Variants in NEK1 observed in about 807,000 individuals in gnomAD.
NEK1 encodes NIMA related kinase 1, also known as serine/threonine-protein kinase Nek1.
In NEK1, 137 loss-of-function variants were observed where a neutral mutation model predicts 182.1. The observed-to-expected ratio is 0.75, with a 90% CI of 0.65 to 0.87. The LOEUF (loss-of-function observed/expected upper bound fraction) is 0.87. Among genes scored for constraint, NEK1 ranks in the 40% least tolerant of loss-of-function variants. NEK1 has a pLI of 0.00. For missense variants in NEK1, 1,391 were observed against 1,494.4 expected (o/e 0.93, Z 1.14); for synonymous variants, 513 against 492.2 (o/e 1.04, Z -0.56).
chr4:169,431,337 T>A (rs1202981587), intron 29 of NEK1, among the ~76,000 whole-genome samples: 1 of 152,126 alleles, frequency 6.6e-6, no homozygotes, highest in Non-Finnish European at 1.5e-5. Context: ...AAAAATCACT[T>A]GAAATATAAA....
chr4:169,403,624 G>A (rs540554998), intron 32 of NEK1, among the ~76,000 whole-genome samples: 1 of 152,186 alleles, frequency 6.6e-6, no homozygotes, highest in South Asian at 2.1e-4. Context: ...CACCTGCTAT[G>A]TACCATTACT....
intron 27 of NEK1, among the ~76,000 whole-genome samples, chr4:169,445,865 TACACACAC>T (rs201151434): frequency 7.0e-6 from 1 of 143,220 alleles, no homozygotes; most frequent in Non-Finnish European, 1.5e-5. Flanking sequence ...TATATATATA[TACACACAC>T]ACACACACAC....
At chr4:169,590,582 G>C (rs1027699922) in intron 6 of NEK1, 144 bp downstream of exon 6, 2 of 549,750 alleles carry the variant, frequency 3.6e-6, no homozygotes, top group African/African-American at 3.8e-5. Context: ...ATCTAATACA[G>C]GATGCAGATG....
At chr4:169,475,411 T>A (rs1019256699) in intron 26 of NEK1, among the ~76,000 whole-genome samples, 1 of 152,100 alleles carries the variant, frequency 6.6e-6, no homozygotes, top group Admixed American at 6.6e-5. Flanking sequence ...ATGGCTCTGA[T>A]CTCACCTCAC....
intron 24 of NEK1, among the ~76,000 whole-genome samples, 192 bp downstream of exon 24, chr4:169,479,211 C>T (rs147781820): frequency 1.5e-4 from 23 of 152,066 alleles, no homozygotes; most frequent in African/African-American, 4.1e-4. Context: ...TCATCTACCA[C>T]GTGGTCCTAG....
intron 11 of NEK1, among the ~76,000 whole-genome samples, chr4:169,578,185 C>T (rs1766017968): frequency 6.6e-6 from 1 of 152,048 alleles, no homozygotes; most frequent in Non-Finnish European, 1.5e-5. Context: ...AGAAAAACAC[C>T]CTAAGGTAAT....
At chr4:169,394,591 T>A (rs1477229841) in intron 35 of NEK1, 68 bp from the exon 36 acceptor site, 2 of 940,842 alleles carry the variant, frequency 2.1e-6, no homozygotes, top group African/African-American at 3.4e-5. Flanking sequence ...AAAAACCCAT[T>A]CTTGTTCATG....
At chr4:169,419,025 T>C (rs1422251101) in intron 31 of NEK1, among the ~76,000 whole-genome samples, 1 of 152,098 alleles carries the variant, frequency 6.6e-6, no homozygotes, top group East Asian at 1.9e-4. Flanking sequence ...GTTTAATGAA[T>C]TACTCATGTT....
chr4:169,532,408 A>G (rs553007460), intron 19 of NEK1, among the ~76,000 whole-genome samples: 21 of 152,326 alleles, frequency 1.4e-4, no homozygotes, highest in South Asian at 6.2e-4. Context: ...ATACCATTAT[A>G]TATTTGTTTA....
intron 2 of NEK1, among the ~76,000 whole-genome samples, chr4:169,610,382 C>G (rs988105368): frequency 2.0e-5 from 3 of 151,888 alleles, no homozygotes; most frequent in African/African-American, 7.3e-5. Context: ...GGCAGTATCT[C>G]GGCTCACTGC....
At chr4:169,397,161 T>C (rs1561113133) in intron 35 of NEK1, among the ~76,000 whole-genome samples, 1 of 151,370 alleles carries the variant, frequency 6.6e-6, no homozygotes. Context: ...GAGGCGGAGG[T>C]TGCAGTGAGT....
intron 31 of NEK1, among the ~76,000 whole-genome samples, chr4:169,423,548 T>C (rs1264521297): frequency 6.6e-6 from 1 of 152,226 alleles, no homozygotes; most frequent in Non-Finnish European, 1.5e-5. Context: ...ACTCATTTGA[T>C]AAATAGACAA....
intron 33 of NEK1, among the ~76,000 whole-genome samples, chr4:169,400,909 T>C (rs1731563299): frequency 1.5e-5 from 2 of 131,802 alleles, no homozygotes; most frequent in Admixed American, 8.3e-5. Flanking sequence ...CTCCTAGAGA[T>C]GTTACTTAAA....
chr4:169,559,964 G>A (rs1478991103), intron 16 of NEK1, among the ~76,000 whole-genome samples: 1 of 152,090 alleles, frequency 6.6e-6, no homozygotes, highest in Admixed American at 6.6e-5. Flanking sequence ...AGCTGAGATC[G>A]TGCCATTGCA....
chr4:169,524,975 C>T (rs1756676231), intron 19 of NEK1, among the ~76,000 whole-genome samples: 1 of 152,090 alleles, frequency 6.6e-6, no homozygotes, highest in African/African-American at 2.4e-5. Context: ...TACTATCTGG[C>T]CCTTTACAGA....
intron 18 of NEK1, among the ~76,000 whole-genome samples, chr4:169,549,212 G>A (rs900040832): frequency 3.3e-5 from 5 of 152,132 alleles, no homozygotes; most frequent in Non-Finnish European, 7.4e-5. Context: ...GCTAGGAGAG[G>A]GAGTTCTCCA....
intron 23 of NEK1, among the ~76,000 whole-genome samples, chr4:169,497,503 T>C (rs1009702473): frequency 6.6e-6 from 1 of 152,226 alleles, no homozygotes. Context: ...TGTTAGGGTG[T>C]CAATTTTAGA....
At chr4:169,551,824 C>A (rs900691171) in intron 18 of NEK1, among the ~76,000 whole-genome samples, 1 of 151,496 alleles carries the variant, frequency 6.6e-6, no homozygotes, top group African/African-American at 2.4e-5. Context: ...TGTGATTTTT[C>A]TTCAGGTTTT....
At chr4:169,428,351 G>GATATATATATATAT (rs60550267) in intron 29 of NEK1, among the ~76,000 whole-genome samples, 7,422 of 92,904 alleles carry the variant, frequency 0.08, 677 homozygotes, top group Middle Eastern at 0.13. Flanking sequence ...AAATATATGG[G>GATATATATATATAT]ATATATATAT....
Sources: allele counts gnomAD v4.1 joint callset (sites outside exome capture counted in the v4.1 genomes callset), GRCh38; gene constraint gnomAD v4.1.1; transcripts MANE v1.5; gene names NCBI Gene and HGNC (gene_info 2026-07-23, HGNC 2026-07-21).